Variants in NFAT5 observed in about 807,000 individuals in gnomAD.
NFAT5 encodes nuclear factor of activated T cells 5, also known as nuclear factor of activated T-cells 5.
A neutral mutation model predicts 166.5 loss-of-function variants in NFAT5; 31 were observed. The ratio of observed to expected loss-of-function variants is 0.19; its 90% confidence interval spans 0.14 to 0.25. NFAT5 has a LOEUF of 0.25. Among genes scored for constraint, NFAT5 ranks in the 10% least tolerant of loss-of-function variants. The pLI is 1.00. For synonymous variants in NFAT5, 612 were observed against 639.7 expected, an observed-to-expected ratio of 0.96 and a Z score of 0.65; for missense variants, 1,449 against 1,821.8, an observed-to-expected ratio of 0.80 and a Z score of 3.72.
chr16:69,633,876 T>TATG (rs1046448061), intron 3 of NFAT5, among the ~76,000 whole-genome samples: 4 of 152,050 alleles, frequency 2.6e-5, no homozygotes, highest in African/African-American at 9.7e-5. Context: ...AGATAATGGA[T>TATG]ATGTTAATTA....
chr16:69,613,411 CT>C (rs2033794545), intron 2 of NFAT5, among the ~76,000 whole-genome samples: 2 of 152,274 alleles, frequency 1.3e-5, no homozygotes, highest in South Asian at 4.1e-4. Context: ...TCCCTGTGTG[CT>C]GAGGGATAAA....
At chr16:69,634,565 G>A (rs990607191) in intron 3 of NFAT5, among the ~76,000 whole-genome samples, 25 of 152,056 alleles carry the variant, frequency 1.6e-4, no homozygotes, top group African/African-American at 5.3e-4. Flanking sequence ...TATTTATTTA[G>A]CCCACTCAGG....
intron 2 of NFAT5, among the ~76,000 whole-genome samples, chr16:69,611,863 A>G (rs2033717629): frequency 6.6e-6 from 1 of 152,222 alleles, no homozygotes; most frequent in Admixed American, 6.5e-5. Flanking sequence ...ACTGTAATTT[A>G]AGCCCATTAG....
chr16:69,591,970 A>C (rs1301824332), intron 2 of NFAT5, among the ~76,000 whole-genome samples: 2 of 152,194 alleles, frequency 1.3e-5, no homozygotes. Flanking sequence ...CAAAGCTATA[A>C]AAACTTTAAG....
intron 2 of NFAT5, among the ~76,000 whole-genome samples, chr16:69,602,013 A>G (rs11643240): frequency 0.37 from 55,517 of 151,940 alleles, 11,119 homozygotes; most frequent in African/African-American, 0.53. Context: ...ATAGGCTTTG[A>G]AGTCAGAACA....
chr16:69,653,277 C>A lies in NFAT5; in HGVS notation c.854C>A (p.Pro285His). 6.2e-7 allele frequency: 1 copy of A among 1,607,928 alleles called. No individual in the cohort carries two copies. The highest frequency in any genetic ancestry group is 8.5e-7 in the Non-Finnish European group (1 of 1,178,388). ...NQKGTGVKKS[P>H]MLCGQYPVKS... ...AAAGGAACTGGAGTAAAGAAGAGCC[C>A]TATGTTGTGTGGACAATATCCTGTT... The change falls in exon 5 of 15, where the codon CCT becomes CAT. Residue 285 changes from proline to histidine, a missense_variant. Transcript: ENST00000349945.
At chr16:69,577,110 T>A (rs986234108) in intron 2 of NFAT5, among the ~76,000 whole-genome samples, 1 of 152,224 alleles carries the variant, frequency 6.6e-6, no homozygotes, top group South Asian at 2.1e-4. Flanking sequence ...TTGTCTTTTT[T>A]AATCTGCCCC....
At chr16:69,610,216 G>A (rs1162107208) in intron 2 of NFAT5, among the ~76,000 whole-genome samples, 1 of 152,150 alleles carries the variant, frequency 6.6e-6, no homozygotes, top group East Asian at 1.9e-4. Flanking sequence ...GGTGGAAGTT[G>A]GAAGATAGGA....
At chr16:69,625,346 A>G (rs1179535756) in intron 2 of NFAT5, among the ~76,000 whole-genome samples, 2 of 151,874 alleles carry the variant, frequency 1.3e-5, no homozygotes, top group Non-Finnish European at 2.9e-5. Flanking sequence ...TTTATGGGCA[A>G]TTATAGTATT....
chr16:69,566,491 A>T lies in NFAT5; in HGVS notation c.73+117A>T. On this transcript the variant is annotated intron_variant, in intron 1 of 14. Coordinates refer to ENST00000349945, the MANE Select transcript of NFAT5 (RefSeq NM_138713.4). The surrounding 1 kb of genome is among the most constrained non-coding windows in gnomAD (Gnocchi z 5.7). ...CGGGGGCGGCTGAGCCGCGACCCCC[A>T]TGGCTTCTTTGGCCGGAGCGGGCAG... 1 of 884,162 alleles carries T rather than the reference A, an allele frequency of 1.1e-6. No individual in the cohort carries two copies. Among genetic ancestry groups the T allele is most frequent in the East Asian group, 2.7e-5 (1 of 37,462 alleles). The allele number at this position is 884,162 out of a possible 1,614,324, so 54.8% of individuals were successfully genotyped here.
At chr16:69,667,622 T>TA (rs1472983256) in intron 7 of NFAT5, among the ~76,000 whole-genome samples, 1 of 152,098 alleles carries the variant, frequency 6.6e-6, no homozygotes, top group Non-Finnish European at 1.5e-5. Flanking sequence ...CAAATAAATT[T>TA]AAAAAATGAG....
chr16:69,669,034 G>A (rs954973738), intron 7 of NFAT5, among the ~76,000 whole-genome samples: 2 of 151,868 alleles, frequency 1.3e-5, no homozygotes, highest in Non-Finnish European at 2.9e-5. Context: ...GCTGGGAATT[G>A]CATGTGCATA....
intron 10 of NFAT5, among the ~76,000 whole-genome samples, chr16:69,682,310 T>C (rs202101993): frequency 7.1e-6 from 1 of 140,964 alleles, no homozygotes; most frequent in Non-Finnish European, 1.5e-5. Context: ...TTTTTTTTTC[T>C]AAAAAAGAAA....
Position 69,588,980 on chromosome 16 carries a change from C to CTTTTTTTTT in NFAT5, c.127+20455_127+20463dup, listed in dbSNP as rs945918292. ...GACCCTCCCTCCTCTTTTCCTACTT[C>CTTTTTTTTT]TTTTTTTTTTTTTTTTTTTTTTTTT... On this transcript the variant is annotated intron_variant, in intron 2 of 14. Coordinates refer to ENST00000349945, the MANE Select transcript of NFAT5 (RefSeq NM_138713.4). 3.6e-3 allele frequency among the ~76,000 whole-genome samples: 124 copies of CTTTTTTTTT among 34,354 alleles called. 13 individuals carry two copies. Among genetic ancestry groups the CTTTTTTTTT allele is most frequent in the East Asian group, 6.6e-3 (5 of 756 alleles). 22.5% of individuals were successfully genotyped at this position (34,354 alleles called of 152,430 possible).
At chr16:69,652,764 C>T (rs1249272090) in intron 4 of NFAT5, among the ~76,000 whole-genome samples, 4 of 94,040 alleles carry the variant, frequency 4.3e-5, no homozygotes, top group Non-Finnish European at 8.2e-5. Context: ...TTTGTTTTCG[C>T]TACCCTCACT....
rs2151622284 is a variant in NFAT5, at chr16:69,647,529, A to T, written c.755A>T (p.His252Leu). 1 of 1,604,558 alleles carries T rather than the reference A, an allele frequency of 6.2e-7. No individual in the cohort carries two copies. The highest frequency in any genetic ancestry group is 8.5e-7 in the Non-Finnish European group (1 of 1,178,790). ...GATGCCGACAGTGCCAAAGCACCTC[A>T]CTATGTGCTTTCTCAGCTTACCACG... Reference protein sequence around the residue: ...IFDADSAKAPHYVLSQLTTDN... With the variant: ...IFDADSAKAPLYVLSQLTTDN... Residue 252 changes from histidine to leucine, a missense_variant, in exon 4 of 15, where the codon CAC (histidine) becomes CTC (leucine). Physicochemically the swap from His to Leu is moderately conservative, Grantham distance 99. Coordinates refer to ENST00000349945, the MANE Select transcript of NFAT5 (RefSeq NM_138713.4). The surrounding 1 kb of genome is among the most constrained non-coding windows in gnomAD (Gnocchi z 4.8).
At chr16:69,580,525 A>G (rs2031605740) in intron 2 of NFAT5, among the ~76,000 whole-genome samples, 1 of 69,940 alleles carries the variant, frequency 1.4e-5, no homozygotes, top group Non-Finnish European at 2.9e-5. Flanking sequence ...GAGCGAAACT[A>G]AAAAAAAAAA....
intron 3 of NFAT5, among the ~76,000 whole-genome samples, chr16:69,637,851 A>G (rs1014496759): frequency 6.6e-6 from 1 of 152,258 alleles, no homozygotes; most frequent in Non-Finnish European, 1.5e-5. Context: ...GACTAATTCT[A>G]TAAAGTCTGC....
chr16:69,686,026 C>A (rs2037286224), intron 11 of NFAT5: 1 of 149,088 alleles, frequency 6.7e-6, no homozygotes, highest in Non-Finnish European at 1.5e-5. Flanking sequence ...GTCTGGGCAA[C>A]AAGAGCAAAA....
Sources: allele counts gnomAD v4.1 joint callset (sites outside exome capture counted in the v4.1 genomes callset), GRCh38; gene constraint gnomAD v4.1.1; non-coding constraint Gnocchi (gnomAD v3.1); transcripts MANE v1.5; gene names NCBI Gene and HGNC (gene_info 2026-07-23, HGNC 2026-07-21).